Variants in ATP9B observed in about 807,000 individuals in gnomAD.
The protein encoded by ATP9B is ATPase phospholipid transporting 9B, also known as probable phospholipid-transporting ATPase IIB.
Under a neutral mutation model 146.1 loss-of-function variants are expected in ATP9B, and 110 were observed. That is an observed-to-expected ratio of 0.75 (90% CI 0.65 to 0.88). The LOEUF (loss-of-function observed/expected upper bound fraction) is 0.88, where lower values mean the gene tolerates loss of function less well. ATP9B is among the 40% of genes least tolerant of loss of function. ATP9B has a pLI of 0.00. For synonymous variants in ATP9B, 604 were observed against 569.7 expected (o/e 1.06, Z -0.86); for missense variants, 1,499 against 1,496.4 (o/e 1.00, Z -0.03).
chr18:79,193,143 A>G (rs752276740), intron 8 of ATP9B, 40 bp from the exon 9 acceptor site: 6 of 1,413,686 alleles, frequency 4.2e-6, no homozygotes, highest in Non-Finnish European at 5.9e-6. Context: ...ATTTTACTAA[A>G]CTATAACATT....
chr18:79,376,207 ACACAC>A lies in ATP9B; in HGVS notation c.3307+782_3307+786del, dbSNP rs1568876056. The stretch of plus-strand genomic sequence containing the variant: ...CACACACACACACACACACACACAC[ACACAC>A]ACAAAACAAAACAAAAAAATGGCTA... On this transcript the variant is annotated intron_variant, in intron 29 of 29. Transcript: ENST00000426216. 6,730 of 968,618 alleles carry A rather than the reference ACACAC, an allele frequency of 6.9e-3. 12 individuals are homozygous for A. The highest frequency in any genetic ancestry group is 7.3e-3 in the Non-Finnish European group (6,034 of 821,172). 60.0% of individuals were successfully genotyped at this position (968,618 alleles called of 1,614,324 possible).
At chr18:79,128,541 G>A (rs1342072230) in intron 5 of ATP9B, among the ~76,000 whole-genome samples, 1 of 152,158 alleles carries the variant, frequency 6.6e-6, no homozygotes, top group Non-Finnish European at 1.5e-5. Context: ...GTGGAGGAAG[G>A]ATGAAGAAGG....
intron 9 of ATP9B, among the ~76,000 whole-genome samples, chr18:79,193,892 A>G (rs2095393413): frequency 6.6e-6 from 1 of 152,152 alleles, no homozygotes; most frequent in Non-Finnish European, 1.5e-5. Context: ...ATTCACCTTT[A>G]TTTCACTCTT....
chr18:79,229,870 A>G (rs2095773235), intron 11 of ATP9B, among the ~76,000 whole-genome samples: 1 of 152,106 alleles, frequency 6.6e-6, no homozygotes, highest in Non-Finnish European at 1.5e-5. Flanking sequence ...TGTTACTTGT[A>G]TTTGCATAAT....
intron 7 of ATP9B, among the ~76,000 whole-genome samples, chr18:79,172,108 C>T (rs974545863): frequency 6.6e-5 from 10 of 152,228 alleles, no homozygotes; most frequent in African/African-American, 1.9e-4. Context: ...AGGCTGGTCT[C>T]GAGCTCCTGA....
At chr18:79,102,326 A>C (rs1248206059) in intron 2 of ATP9B, among the ~76,000 whole-genome samples, 2 of 152,232 alleles carry the variant, frequency 1.3e-5, no homozygotes, top group Non-Finnish European at 2.9e-5. Flanking sequence ...ATGTTCTTGC[A>C]TGCATTTTAT....
At chr18:79,131,522 C>T (rs577039163) in intron 5 of ATP9B, among the ~76,000 whole-genome samples, 10 of 152,246 alleles carry the variant, frequency 6.6e-5, no homozygotes, top group South Asian at 2.1e-4. Context: ...TATAGAATAT[C>T]GAGTGCTGGA....
chr18:79,347,794 G>A lies in ATP9B; in HGVS notation c.2707G>A (p.Ala903Thr). 2 of 1,594,134 alleles carry A rather than the reference G, an allele frequency of 1.3e-6. No individual in the cohort carries two copies. The highest frequency in any genetic ancestry group is 1.7e-5 in the Admixed American group (1 of 57,920). The part of the protein sequence containing the change: ...GKEGKQASLA[A>T]DFSITQFRHI... ...GGAGGGTAAACAGGCCTCGCTGGCG[G>A]CCGACTTCTCCATCACGCAGTTCCG... is the stretch of plus-strand genomic sequence containing the variant. The change falls in exon 24 of 30, where the codon GCC (alanine) becomes ACC (threonine). Residue 903 changes from alanine to threonine, a missense_variant. Coordinates refer to ENST00000426216, the MANE Select transcript of ATP9B (RefSeq NM_198531.5).
At chr18:79,196,297 G>A (rs1167019489) in intron 9 of ATP9B, among the ~76,000 whole-genome samples, 1 of 152,228 alleles carries the variant, frequency 6.6e-6, no homozygotes, top group Non-Finnish European at 1.5e-5. Flanking sequence ...TAATCTTACA[G>A]AGGATTAGCT....
intron 29 of ATP9B, chr18:79,375,877 A>G (rs536362148): frequency 2.9e-4 from 283 of 985,414 alleles, no homozygotes; most frequent in Non-Finnish European, 3.2e-4. Flanking sequence ...CCATCCGGCA[A>G]CAGTCTAAAG....
chr18:79,183,934 G>A (rs143035393), intron 8 of ATP9B, among the ~76,000 whole-genome samples: 12 of 152,064 alleles, frequency 7.9e-5, no homozygotes, highest in Admixed American at 3.9e-4. Flanking sequence ...GGGTATCAGC[G>A]TATCTGTTTC....
At chr18:79,252,821 GA>G (rs760877298) in intron 11 of ATP9B, among the ~76,000 whole-genome samples, 40 of 136,416 alleles carry the variant, frequency 2.9e-4, no homozygotes, top group Admixed American at 6.7e-4. Context: ...TTTTCTGTAA[GA>G]CAAGTTCTTT....
At position 79,071,398 on chromosome 18, in the gene ATP9B, C is replaced by CTTTTTTTTTTTTTTTTTTTTTTTTTTT. The variant is rs747150962; in HGVS notation, c.119+1869_119+1870insTTTTTTTTTTTTTTTTTTTTTTTTTTT. Among the ~76,000 whole-genome samples, 25 of 22,406 alleles carry CTTTTTTTTTTTTTTTTTTTTTTTTTTT rather than the reference C, an allele frequency of 1.1e-3. 3 individuals carry two copies. The highest frequency in any genetic ancestry group is 9.2e-3 in the South Asian group (3 of 326). 14.7% of individuals were successfully genotyped at this position (22,406 alleles called of 152,430 possible). ...TATTTCCCCTTTTTCTATTGTTCTT[C>CTTTTTTTTTTTTTTTTTTTTTTTTTTT]CTTTTTTTTTTTTTTGAGACAGGGT... On this transcript the variant is annotated intron_variant, in intron 1 of 29. Coordinates refer to ENST00000426216, the MANE Select transcript of ATP9B (RefSeq NM_198531.5).
intron 12 of ATP9B, among the ~76,000 whole-genome samples, chr18:79,260,963 T>A (rs1460360842): frequency 2.0e-5 from 3 of 152,216 alleles, no homozygotes; most frequent in Non-Finnish European, 4.4e-5. Context: ...CCCACCACTG[T>A]ATTTTGGGAG....
chr18:79,269,305 G>C lies in ATP9B; in HGVS notation c.1269-7749G>C, dbSNP rs1325873092. ...CACTTTCTGCTTTTTTTGCTTGCAT[G>C]CTTCATTTTGTATCATCCTCACTGA... On this transcript the variant is annotated intron_variant, in intron 12 of 29. Coordinates refer to ENST00000426216, the MANE Select transcript of ATP9B (RefSeq NM_198531.5). 2.0e-5 allele frequency among the ~76,000 whole-genome samples: 3 copies of C among 152,264 alleles called. No individual in the cohort carries two copies. In the East Asian group the frequency reaches 5.8e-4, roughly 29 times the overall value.
chr18:79,108,918 C>G (rs970051324), intron 2 of ATP9B, among the ~76,000 whole-genome samples: 24 of 152,116 alleles, frequency 1.6e-4, no homozygotes, highest in South Asian at 6.2e-4. Flanking sequence ...AATACTGAAA[C>G]CTGCAAGTTT....
intron 10 of ATP9B, among the ~76,000 whole-genome samples, chr18:79,211,227 A>C (rs1476350222): frequency 6.6e-6 from 1 of 152,244 alleles, no homozygotes; most frequent in East Asian, 1.9e-4. Context: ...TGACCTTGTT[A>C]GCATTCTTTG....
At position 79,374,076 on chromosome 18, in the gene ATP9B, A is replaced by C; in HGVS notation, c.3249A>C (p.Ser1083=). The change falls in exon 28 of 30, where the codon TCA becomes TCC. Residue 1083 remains serine, a synonymous_variant. Transcript: ENST00000426216. The part of the protein sequence containing the change: ...EFLSLGCYVS[S]LAFLNEYFGI... ...TCAGCTTAGGCTGCTACGTGTCCTC[A>C]CTCGCTTTTCTCAATGAATATTTTG... 6.2e-7 allele frequency: 1 copy of C among 1,613,476 alleles called. No individual in the cohort carries two copies. The highest frequency in any genetic ancestry group is 8.5e-7 in the Non-Finnish European group (1 of 1,179,866).
At chr18:79,183,491 A>T (rs1203791958) in intron 8 of ATP9B, among the ~76,000 whole-genome samples, 3 of 152,046 alleles carry the variant, frequency 2.0e-5, no homozygotes, top group African/African-American at 7.2e-5. Flanking sequence ...TGTATTTCTC[A>T]TATTTTTATT....
Sources: gnomAD v4.1 joint callset for allele counts (sites outside exome capture counted in the v4.1 genomes callset) on GRCh38, gnomAD v4.1.1 for gene constraint, MANE v1.5 for transcripts, NCBI Gene and HGNC (gene_info 2026-07-23, HGNC 2026-07-21) for gene names.